S100Z: variants seen among roughly 807,000 people sequenced by gnomAD.
S100Z encodes the protein protein S100-Z.
S100Z carries 11 observed loss-of-function variants against 8.5 expected under a neutral mutation model. The ratio of observed to expected loss-of-function variants is 1.30; its 90% CI spans 0.82 to 2.15. The LOEUF (loss-of-function observed/expected upper bound fraction) is 2.15, where lower values mean the gene tolerates loss of function less well. Ranked by LOEUF, S100Z falls within the 30% of genes most tolerant of loss-of-function variation. The pLI is 0.00. For synonymous variants in S100Z, 34 were observed against 43.8 expected (o/e 0.78, Z 0.89); for missense variants, 126 against 117.9 (o/e 1.07, Z -0.32).
At chr5:76,877,552 A>G in intron 3 of S100Z, 122 bp from the exon 4 acceptor site, 1 of 665,664 alleles carries the variant, frequency 1.5e-6, no homozygotes, top group Non-Finnish European at 2.6e-6. Flanking sequence ...AGGTTCTTAG[A>G]AAATGTCTTT....
chr5:76,861,924 C>T (rs1041207243), intron 1 of S100Z, among the ~76,000 whole-genome samples: 4 of 152,142 alleles, frequency 2.6e-5, no homozygotes, highest in Admixed American at 2.6e-4. Context: ...TAACAGCCTT[C>T]ATGGTTAGGG....
rs528518402 is a variant in S100Z at position 76,884,068 on chromosome 5, A to G, written c.*2+6234A>G. Among the ~76,000 whole-genome samples the G allele has an allele frequency of 8.1e-4, 124 of 152,276 alleles. No homozygotes were observed. The South Asian group carries it at 0.012, about 15-fold the overall frequency. ...TTGTGGGGTTCGAGGGCCGAATTTA[A>G]TTTTTGGAGCTTTATTTAATGTTGG... is the stretch of plus-strand genomic sequence containing the variant. On this transcript the variant is annotated intron_variant, in intron 4 of 4. Coordinates refer to ENST00000317593, the MANE Select transcript of S100Z (RefSeq NM_130772.4).
chr5:76,869,733 T>C (rs1447584006), intron 1 of S100Z, among the ~76,000 whole-genome samples: 1 of 152,076 alleles, frequency 6.6e-6, no homozygotes, highest in Non-Finnish European at 1.5e-5. Flanking sequence ...TATTTAAGAA[T>C]TGTGGCTGGG....
chr5:76,875,408 C>T lies in S100Z; in HGVS notation c.49C>T (p.His17Tyr). 1.9e-6 allele frequency: 3 copies of T among 1,613,296 alleles called. No individual in the cohort carries two copies. The highest frequency in any genetic ancestry group is 2.2e-5 in the South Asian group (2 of 90,902). ...CATGGACACCATGATTAGAATCTTC[C>T]ACCGCTATTCTGGCAAGGAAAGGAA... ...MAMDTMIRIF[H>Y]RYSGKERKRF... The change falls in exon 3 of 5, where the codon CAC (histidine) becomes TAC (tyrosine). Residue 17 changes from histidine to tyrosine, a missense_variant. Transcript: ENST00000317593.
the S100Z span, among the ~76,000 whole-genome samples, chr5:76,929,601 C>T: frequency 6.6e-6 from 1 of 151,972 alleles, no homozygotes; most frequent in East Asian, 1.9e-4. Context: ...GTCTGTACAC[C>T]AAGAGGTGAC....
intron 4 of S100Z, among the ~76,000 whole-genome samples, chr5:76,914,339 CCAAT>C: frequency 6.6e-6 from 1 of 150,616 alleles, no homozygotes; most frequent in South Asian, 2.1e-4. Context: ...TGTAAATGCA[CCAAT>C]CAGAGCTCTG....
chr5:76,892,370 A>C (rs79979206), intron 4 of S100Z, among the ~76,000 whole-genome samples: 5,802 of 152,254 alleles, frequency 0.038, 285 homozygotes, highest in East Asian at 0.12. Flanking sequence ...GCACTTCCAC[A>C]TGATTATATT....
At chr5:76,880,182 G>A (rs574604234) in intron 4 of S100Z, among the ~76,000 whole-genome samples, 30 of 152,226 alleles carry the variant, frequency 2.0e-4, no homozygotes, top group African/African-American at 6.5e-4. Context: ...ATCAGTTAGG[G>A]TGGGACAGAA....
intron 4 of S100Z, among the ~76,000 whole-genome samples, chr5:76,890,518 C>T (rs988975607): frequency 2.6e-5 from 4 of 152,076 alleles, no homozygotes; most frequent in Non-Finnish European, 4.4e-5. Flanking sequence ...GATGTGGTGA[C>T]GTGCACCTAA....
chr5:76,902,711 A>T, intron 4 of S100Z, among the ~76,000 whole-genome samples: 1 of 150,906 alleles, frequency 6.6e-6, no homozygotes, highest in East Asian at 1.9e-4. Flanking sequence ...GGGAGGCAGG[A>T]TGATTTTCCA....
chr5:76,870,873 G>A (rs1742983313), intron 2 of S100Z, among the ~76,000 whole-genome samples: 1 of 152,138 alleles, frequency 6.6e-6, no homozygotes, highest in Non-Finnish European at 1.5e-5. Context: ...TATAATCCCA[G>A]CATTTTGGGA....
At chr5:76,878,876 G>T (rs1002153335) in intron 4 of S100Z, among the ~76,000 whole-genome samples, 1 of 152,122 alleles carries the variant, frequency 6.6e-6, no homozygotes, top group Non-Finnish European at 1.5e-5. Flanking sequence ...ACTTGCTGAT[G>T]GATTCATAGT....
chr5:76,921,988 CAAAA>C (rs35018497), downstream of S100Z, among the ~76,000 whole-genome samples: 2 of 114,716 alleles, frequency 1.7e-5, no homozygotes, highest in Admixed American at 9.0e-5. Flanking sequence ...GAGACTGTCT[CAAAA>C]AAAAAAAAAA....
the S100Z span, among the ~76,000 whole-genome samples, chr5:76,951,936 G>A: frequency 6.6e-6 from 1 of 152,150 alleles, no homozygotes; most frequent in African/African-American, 2.4e-5. Context: ...TTAATTTCGA[G>A]TATTTTAAAA....
At chr5:76,892,925 G>A (rs370614342) in intron 4 of S100Z, among the ~76,000 whole-genome samples, 3 of 152,118 alleles carry the variant, frequency 2.0e-5, no homozygotes, top group Admixed American at 1.3e-4. Context: ...ATGAAGAGAC[G>A]TTGTTGATGT....
intron 1 of S100Z, among the ~76,000 whole-genome samples, chr5:76,860,457 A>C (rs1457290816): frequency 6.6e-6 from 1 of 152,004 alleles, no homozygotes; most frequent in Non-Finnish European, 1.5e-5. Flanking sequence ...AGATGGCCCG[A>C]CCCTCTCAGC....
chr5:76,907,307 T>A (rs1744491434), intron 4 of S100Z, among the ~76,000 whole-genome samples: 1 of 151,910 alleles, frequency 6.6e-6, no homozygotes, highest in African/African-American at 2.4e-5. Flanking sequence ...TTTGTAGTAA[T>A]TCTTTTGTTT....
intron 1 of S100Z, among the ~76,000 whole-genome samples, chr5:76,857,877 TAA>T (rs1750930277): frequency 6.6e-6 from 1 of 152,198 alleles, no homozygotes; most frequent in African/African-American, 2.4e-5. Flanking sequence ...AAGTAATTAA[TAA>T]GTTTATAATA....
intron 4 of S100Z, among the ~76,000 whole-genome samples, chr5:76,918,334 G>A (rs1744923806): frequency 6.6e-6 from 1 of 152,130 alleles, no homozygotes. Context: ...AGCCTTCTGA[G>A]TAGCTGAGAC....
Sources: gnomAD v4.1 joint callset for allele counts (sites outside exome capture counted in the v4.1 genomes callset) on GRCh38, gnomAD v4.1.1 for gene constraint, MANE v1.5 for transcripts, NCBI Gene and HGNC (gene_info 2026-07-23, HGNC 2026-07-21) for gene names.